CNTNAP2: variants seen among roughly 807,000 people sequenced by gnomAD.
The protein encoded by CNTNAP2 is contactin-associated protein-like 2.
In CNTNAP2, 98 loss-of-function variants were observed where a neutral mutation model predicts 155.2. The observed-to-expected ratio is 0.63, with a 90% CI of 0.54 to 0.75. The LOEUF (loss-of-function observed/expected upper bound fraction) is 0.75, where lower values mean the gene tolerates loss of function less well. CNTNAP2 is among the 30% of genes least tolerant of loss of function. CNTNAP2 has a pLI of 0.00. For synonymous variants in CNTNAP2, 651 were observed against 631.2 expected (o/e 1.03, Z -0.47); for missense variants, 1,727 against 1,688.1 (o/e 1.02, Z -0.40).
intron 13 of CNTNAP2, among the ~76,000 whole-genome samples, chr7:147,675,300 T>C (rs79666433): frequency 0.052 from 7,872 of 152,174 alleles, 271 homozygotes; most frequent in Middle Eastern, 0.12. Flanking sequence ...ATGATTAATT[T>C]TGAGATCCTT....
chr7:147,346,479 A>G (rs555167398), intron 9 of CNTNAP2, among the ~76,000 whole-genome samples: 1 of 152,178 alleles, frequency 6.6e-6, no homozygotes, highest in Non-Finnish European at 1.5e-5. Flanking sequence ...TAAAGCATTA[A>G]AGTTTATTCA....
chr7:147,874,710 G>C (rs1015455231), intron 13 of CNTNAP2, among the ~76,000 whole-genome samples: 1 of 152,210 alleles, frequency 6.6e-6, no homozygotes, highest in Non-Finnish European at 1.5e-5. Context: ...TCCTGCAGTA[G>C]GCTTGAATTT....
intron 3 of CNTNAP2, among the ~76,000 whole-genome samples, chr7:146,969,022 G>A (rs1212494523): frequency 8.1e-5 from 12 of 148,194 alleles, no homozygotes; most frequent in East Asian, 5.9e-4. Context: ...CTTTGTTCTC[G>A]TTGGTTTCAA....
At chr7:147,074,195 CT>C (rs1799952495) in intron 4 of CNTNAP2, among the ~76,000 whole-genome samples, 1 of 152,094 alleles carries the variant, frequency 6.6e-6, no homozygotes, top group Non-Finnish European at 1.5e-5. Flanking sequence ...TGCTTCCCTT[CT>C]TTTGTTGTTT....
chr7:147,441,894 C>A (rs73158366), intron 10 of CNTNAP2, among the ~76,000 whole-genome samples: 14 of 126,022 alleles, frequency 1.1e-4, no homozygotes, highest in Admixed American at 1.9e-4. Context: ...TCTCTCTGTT[C>A]TGAGCCACGT....
chr7:148,168,915 G>C (rs1269354577), intron 17 of CNTNAP2, among the ~76,000 whole-genome samples: 1 of 152,124 alleles, frequency 6.6e-6, no homozygotes, highest in African/African-American at 2.4e-5. Flanking sequence ...ATATTATTTT[G>C]TATTGTAGAA....
intron 13 of CNTNAP2, among the ~76,000 whole-genome samples, chr7:147,699,747 C>T (rs961869653): frequency 1.3e-5 from 2 of 152,014 alleles, no homozygotes; most frequent in Admixed American, 6.6e-5. Flanking sequence ...AATTAGTGCA[C>T]GTATCATGTT....
intron 1 of CNTNAP2, among the ~76,000 whole-genome samples, chr7:146,618,095 A>C (rs1799256692): frequency 2.0e-5 from 3 of 152,196 alleles, no homozygotes; most frequent in Admixed American, 2.0e-4. Flanking sequence ...TTAGATATTC[A>C]TCATTCCTTG....
intron 13 of CNTNAP2, among the ~76,000 whole-genome samples, chr7:147,814,447 T>C (rs570151065): frequency 2.0e-5 from 3 of 152,302 alleles, no homozygotes; most frequent in African/African-American, 7.2e-5. Flanking sequence ...ACATTCTTCT[T>C]TATTTTTTCC....
At chr7:147,380,294 G>T (rs939983542) in intron 9 of CNTNAP2, among the ~76,000 whole-genome samples, 7 of 151,548 alleles carry the variant, frequency 4.6e-5, no homozygotes, top group African/African-American at 1.5e-4. Flanking sequence ...GAAGGGTTTT[G>T]TTATGAATGA....
At chr7:146,290,953 C>T (rs549894373) in intron 1 of CNTNAP2, among the ~76,000 whole-genome samples, 118 of 152,256 alleles carry the variant, frequency 7.8e-4, no homozygotes, top group African/African-American at 2.6e-3. Context: ...GCTGTTTTTC[C>T]TATAATACCG....
chr7:146,764,176 G>C (rs1211394949), intron 1 of CNTNAP2, among the ~76,000 whole-genome samples: 6 of 152,126 alleles, frequency 3.9e-5, no homozygotes, highest in African/African-American at 1.4e-4. Context: ...AAAGCTTTAA[G>C]AGTACTCAAG....
intron 1 of CNTNAP2, among the ~76,000 whole-genome samples, chr7:146,384,305 T>A (rs781072663): frequency 2.6e-5 from 4 of 152,174 alleles, no homozygotes; most frequent in Non-Finnish European, 4.4e-5. Flanking sequence ...TTTCTGCTTA[T>A]TGACATATGA....
At chr7:147,488,022 C>T (rs577564643) in intron 11 of CNTNAP2, among the ~76,000 whole-genome samples, 2 of 148,956 alleles carry the variant, frequency 1.3e-5, no homozygotes, top group African/African-American at 2.5e-5. Flanking sequence ...AAAGACCATA[C>T]TACATAATTC....
intron 14 of CNTNAP2, among the ~76,000 whole-genome samples, chr7:147,915,435 T>C (rs1308320459): frequency 2.0e-5 from 3 of 152,358 alleles, no homozygotes; most frequent in African/African-American, 7.2e-5. Flanking sequence ...AGTGGTCTTA[T>C]TCGTGCATAT....
chr7:147,224,519 C>G (rs1803477845), intron 8 of CNTNAP2, among the ~76,000 whole-genome samples: 1 of 152,154 alleles, frequency 6.6e-6, no homozygotes, highest in Non-Finnish European at 1.5e-5. Flanking sequence ...GTGACACTTT[C>G]TACCCTTCTT....
At chr7:146,750,288 C>T (rs1167477057) in intron 1 of CNTNAP2, among the ~76,000 whole-genome samples, 2 of 152,184 alleles carry the variant, frequency 1.3e-5, no homozygotes, top group African/African-American at 4.8e-5. Context: ...ACCCCTACCT[C>T]ACCCTCCTCC....
At chr7:148,262,413 A>G (rs1193106323) in intron 20 of CNTNAP2, among the ~76,000 whole-genome samples, 1 of 152,204 alleles carries the variant, frequency 6.6e-6, no homozygotes, top group East Asian at 1.9e-4. Flanking sequence ...ACATGCATTT[A>G]CTATCTCACA....
rs559538397 is a variant in CNTNAP2 at position 147,939,545 on chromosome 7, T to G, written c.2255+35824T>G. Among the ~76,000 whole-genome samples, 1,160 of 152,218 alleles carry G rather than the reference T, an allele frequency of 7.6e-3. 7 individuals are homozygous for G. The highest frequency in any genetic ancestry group is 0.013 in the Non-Finnish European group (871 of 67,988). On this transcript the variant is annotated intron_variant, in intron 14 of 23. Transcript: ENST00000361727. ...GGTTTCACCATGTTGGCCAAGCTGG[T>G]CTCGAATTCCTGACCTTGTGACCCA...
Sources: allele counts gnomAD v4.1 joint callset (sites outside exome capture counted in the v4.1 genomes callset), GRCh38; gene constraint gnomAD v4.1.1; transcripts MANE v1.5; gene names NCBI Gene and HGNC (gene_info 2026-07-23, HGNC 2026-07-21).